Variants in GFRAL observed in about 807,000 individuals in gnomAD.
GFRAL encodes the protein GDNF family receptor alpha-like.
GFRAL carries 36 observed loss-of-function variants against 45.4 expected under a neutral mutation model. The ratio of observed to expected loss-of-function variants is 0.79; its 90% CI spans 0.61 to 1.05. GFRAL has a LOEUF of 1.05. Ranked by LOEUF, GFRAL falls within the 50% of genes least tolerant of loss-of-function variation. The probability of loss-of-function intolerance (pLI) is 0.00; values close to 1 mark genes in which losing one functional copy is unlikely to be tolerated. For synonymous variants in GFRAL, 166 were observed against 154.1 expected (o/e 1.08, Z -0.57); for missense variants, 507 against 467.5 (o/e 1.08, Z -0.78).
At chr6:55,379,311 C>T (rs908808080) in intron 6 of GFRAL, among the ~76,000 whole-genome samples, 10 of 151,764 alleles carry the variant, frequency 6.6e-5, no homozygotes, top group South Asian at 2.1e-4. Flanking sequence ...CCTCTCCCTC[C>T]TCCTCCCTCC....
chr6:55,331,938 A>G (rs887948907), intron 2 of GFRAL, 89 bp downstream of exon 2: 2 of 1,257,942 alleles, frequency 1.6e-6, no homozygotes, highest in Non-Finnish European at 2.2e-6. Flanking sequence ...CCTAAGAACT[A>G]AGTTTTTTTC....
At chr6:55,397,332 C>G (rs1021730593) in intron 6 of GFRAL, among the ~76,000 whole-genome samples, 3 of 149,412 alleles carry the variant, frequency 2.0e-5, no homozygotes, top group African/African-American at 7.5e-5. Context: ...TCCTGGCTAA[C>G]AAGGTGAAAC....
rs556994867 is a variant in GFRAL at position 55,355,092 on chromosome 6, TTTAA to T, written c.701+3512_701+3515del. ...AATACTTTTAAATATGTATGCATTA[TTTAA>T]TTGATTTAAAACAGATGACATCATA... On this transcript the variant is annotated intron_variant, in intron 5 of 8. Coordinates refer to ENST00000340465, the MANE Select transcript of GFRAL (RefSeq NM_207410.2). 2.6e-5 allele frequency among the ~76,000 whole-genome samples: 4 copies of T among 152,162 alleles called. No individual in the cohort carries two copies. In the South Asian group the frequency reaches 6.2e-4, roughly 24 times the overall value.
intron 5 of GFRAL, 102 bp downstream of exon 5, chr6:55,351,685 A>G (rs888893423): frequency 4.1e-6 from 3 of 737,670 alleles, no homozygotes; most frequent in African/African-American, 3.5e-5. Flanking sequence ...AGTTCCCACC[A>G]TCATCCAACA....
intron 6 of GFRAL, among the ~76,000 whole-genome samples, chr6:55,363,255 G>A (rs10456708): frequency 1.3e-5 from 2 of 151,512 alleles, no homozygotes; most frequent in Admixed American, 1.3e-4. Flanking sequence ...TTCTTTACTT[G>A]TAATACATAC....
chr6:55,370,783 C>T (rs1168574131), intron 6 of GFRAL, among the ~76,000 whole-genome samples: 1 of 152,192 alleles, frequency 6.6e-6, no homozygotes, highest in Admixed American at 6.5e-5. Flanking sequence ...AATCCCAGAT[C>T]TGGGGTTTAA....
chr6:55,340,130 G>C (rs1240409338), intron 3 of GFRAL, among the ~76,000 whole-genome samples: 2 of 152,120 alleles, frequency 1.3e-5, no homozygotes, highest in Admixed American at 6.6e-5. Flanking sequence ...TCATGACAAA[G>C]AATTATAAAG....
chr6:55,360,096 T>A (rs1768253379), intron 6 of GFRAL, among the ~76,000 whole-genome samples: 1 of 152,052 alleles, frequency 6.6e-6, no homozygotes, highest in Non-Finnish European at 1.5e-5. Flanking sequence ...TTTAAATAAT[T>A]TGTTCAGCAT....
chr6:55,343,324 T>G lies in GFRAL; in HGVS notation c.317-6768T>G, dbSNP rs185285371. ...TAAAAGAACACAAATTATAACAAAC[T>G]GTCTCTCAGACCACGGTGCAATCAA... On this transcript the variant is annotated intron_variant, in intron 3 of 8. Coordinates refer to ENST00000340465, the MANE Select transcript of GFRAL (RefSeq NM_207410.2). Among the ~76,000 whole-genome samples the G allele has an allele frequency of 4.8e-3, 728 of 152,272 alleles. 7 individuals are homozygous for G. The highest frequency in any genetic ancestry group is 0.016 in the African/African-American group (684 of 41,560).
chr6:55,386,300 A>G (rs1319227507), intron 6 of GFRAL, among the ~76,000 whole-genome samples: 1 of 152,150 alleles, frequency 6.6e-6, no homozygotes, highest in Admixed American at 6.6e-5. Flanking sequence ...GTTTGACTCT[A>G]TAAAACTGCA....
intron 6 of GFRAL, among the ~76,000 whole-genome samples, chr6:55,380,361 T>G (rs890359481): frequency 6.6e-6 from 1 of 151,940 alleles, no homozygotes; most frequent in Admixed American, 6.6e-5. Flanking sequence ...CCCAAACTAT[T>G]GAGGAGTATT....
chr6:55,348,707 C>T (rs1768078391), intron 3 of GFRAL, among the ~76,000 whole-genome samples: 1 of 152,064 alleles, frequency 6.6e-6, no homozygotes, highest in Non-Finnish European at 1.5e-5. Context: ...CAGGGCCCCA[C>T]TCTTATGACC....
chr6:55,372,395 T>C (rs1768462890), intron 6 of GFRAL, among the ~76,000 whole-genome samples: 1 of 152,156 alleles, frequency 6.6e-6, no homozygotes, highest in Admixed American at 6.6e-5. Flanking sequence ...ACTTGATATA[T>C]TCTTTAGGAT....
intron 3 of GFRAL, among the ~76,000 whole-genome samples, chr6:55,345,639 G>A (rs947147277): frequency 6.6e-6 from 1 of 152,148 alleles, no homozygotes; most frequent in African/African-American, 2.4e-5. Flanking sequence ...CACGGGCAAG[G>A]ACTTCATGTC....
intron 3 of GFRAL, among the ~76,000 whole-genome samples, chr6:55,345,085 A>G (rs1056340678): frequency 2.6e-5 from 4 of 152,234 alleles, no homozygotes; most frequent in African/African-American, 7.2e-5. Context: ...ATGGATAGGA[A>G]GAACCAATAT....
At chr6:55,341,907 G>T (rs1384906954) in intron 3 of GFRAL, among the ~76,000 whole-genome samples, 1 of 152,092 alleles carries the variant, frequency 6.6e-6, no homozygotes, top group Non-Finnish European at 1.5e-5. Context: ...TCGATCAACT[G>T]GAAGAAAGAG....
chr6:55,350,751 TAA>T (rs201200568), intron 4 of GFRAL, among the ~76,000 whole-genome samples: 138 of 152,194 alleles, frequency 9.1e-4, no homozygotes, highest in African/African-American at 3.2e-3. Flanking sequence ...TGTGATCATA[TAA>T]GTTATTTGGC....
At chr6:55,392,712 G>A (rs545437953) in intron 6 of GFRAL, among the ~76,000 whole-genome samples, 1 of 152,096 alleles carries the variant, frequency 6.6e-6, no homozygotes, top group Admixed American at 6.5e-5. Context: ...CAACACACTT[G>A]GGGGCCTGCT....
At chr6:55,339,230 A>G (rs1278694152) in intron 3 of GFRAL, among the ~76,000 whole-genome samples, 1 of 152,180 alleles carries the variant, frequency 6.6e-6, no homozygotes, top group Non-Finnish European at 1.5e-5. Flanking sequence ...TGAGCCAAGA[A>G]ATGAAAAATT....
Sources: gnomAD v4.1 joint callset for allele counts (sites outside exome capture counted in the v4.1 genomes callset) on GRCh38, gnomAD v4.1.1 for gene constraint, MANE v1.5 for transcripts, NCBI Gene and HGNC (gene_info 2026-07-23, HGNC 2026-07-21) for gene names.